The following NKAIN2 variants were observed in gnomAD, a reference collection of about 807,000 sequenced individuals.
The protein encoded by NKAIN2 is sodium/potassium-transporting ATPase subunit beta-1-interacting protein 2.
Under a neutral mutation model 32.6 loss-of-function variants are expected in NKAIN2, and 14 were observed. That is an observed-to-expected ratio of 0.43 (90% CI 0.28 to 0.67). The LOEUF (loss-of-function observed/expected upper bound fraction) is 0.67, where lower values mean the gene tolerates loss of function less well. Among genes scored for constraint, NKAIN2 ranks in the 30% least tolerant of loss-of-function variants. The pLI is 0.17. For synonymous variants in NKAIN2, 80 were observed against 87.2 expected (o/e 0.92, Z 0.46); for missense variants, 198 against 258.3 (o/e 0.77, Z 1.60).
intron 3 of NKAIN2, among the ~76,000 whole-genome samples, chr6:124,580,655 C>G (rs770853502): frequency 1.3e-5 from 2 of 152,048 alleles, no homozygotes; most frequent in African/African-American, 2.4e-5. Context: ...AAGTCCTTAC[C>G]TCTTATCAAT....
chr6:123,927,093 G>A (rs758454515), intron 1 of NKAIN2, among the ~76,000 whole-genome samples: 3 of 152,148 alleles, frequency 2.0e-5, no homozygotes, highest in African/African-American at 2.4e-5. Context: ...ATATTTTCCC[G>A]CATTTGCTTC....
At chr6:124,408,714 T>G (rs1267963851) in intron 3 of NKAIN2, among the ~76,000 whole-genome samples, 1 of 107,936 alleles carries the variant, frequency 9.3e-6, no homozygotes, top group African/African-American at 2.8e-5. Context: ...TTTAAAGTAG[T>G]TTTTTCCAAT....
intron 4 of NKAIN2, among the ~76,000 whole-genome samples, chr6:124,774,941 A>G (rs2114768892): frequency 6.6e-6 from 1 of 151,940 alleles, no homozygotes; most frequent in Non-Finnish European, 1.5e-5. Context: ...AGATACAAGC[A>G]CCAAGGATAC....
intron 3 of NKAIN2, among the ~76,000 whole-genome samples, chr6:124,642,251 T>G (rs1784020674): frequency 6.6e-6 from 1 of 152,220 alleles, no homozygotes; most frequent in Non-Finnish European, 1.5e-5. Flanking sequence ...TTTGGTTATC[T>G]TCTCAAAACC....
chr6:124,175,488 TGTGA>T (rs1445904954), intron 1 of NKAIN2, among the ~76,000 whole-genome samples: 1 of 152,196 alleles, frequency 6.6e-6, no homozygotes, highest in Non-Finnish European at 1.5e-5. Context: ...AAATATATGA[TGTGA>T]GTTTCACATA....
intron 3 of NKAIN2, among the ~76,000 whole-genome samples, chr6:124,526,438 A>T (rs1453592852): frequency 3.9e-5 from 6 of 152,272 alleles, no homozygotes; most frequent in Admixed American, 6.5e-5. Context: ...TTTCTGCCAA[A>T]TGAAAATGGT....
At chr6:123,845,999 C>T (rs1313663826) in intron 1 of NKAIN2, among the ~76,000 whole-genome samples, 3 of 152,142 alleles carry the variant, frequency 2.0e-5, no homozygotes, top group Admixed American at 2.0e-4. Flanking sequence ...TCATCCCAAT[C>T]TCTCTTTTCT....
chr6:124,014,345 C>A lies in NKAIN2; in HGVS notation c.54+210091C>A, dbSNP rs560448073. Among the ~76,000 whole-genome samples, 17 of 152,170 alleles carry A rather than the reference C, an allele frequency of 1.1e-4. No individual in the cohort carries two copies. The South Asian group carries it at 3.1e-3, about 28-fold the overall frequency. ...CAAAAATAACAGTATCTTGACTATA[C>A]AATATTGTAACTGGCCATTAGTCTT... On this transcript the variant is annotated intron_variant, in intron 1 of 6. Coordinates refer to ENST00000368417, the MANE Select transcript of NKAIN2 (RefSeq NM_001040214.3).
At chr6:124,154,168 A>G (rs1787868380) in intron 1 of NKAIN2, among the ~76,000 whole-genome samples, 1 of 151,878 alleles carries the variant, frequency 6.6e-6, no homozygotes, top group Non-Finnish European at 1.5e-5. Flanking sequence ...TGAGGACTAA[A>G]TACCTCTTGA....
chr6:124,188,471 TG>T (rs1789856447), intron 1 of NKAIN2, among the ~76,000 whole-genome samples: 1 of 152,234 alleles, frequency 6.6e-6, no homozygotes, highest in African/African-American at 2.4e-5. Flanking sequence ...TAACTGCTTA[TG>T]GACTTTAATC....
intron 1 of NKAIN2, among the ~76,000 whole-genome samples, chr6:123,877,948 C>T (rs756249391): frequency 5.3e-5 from 8 of 151,944 alleles, no homozygotes; most frequent in East Asian, 1.9e-4. Flanking sequence ...TAATTATCGC[C>T]GGGTGTGGTG....
intron 1 of NKAIN2, among the ~76,000 whole-genome samples, chr6:123,918,137 A>G (rs1465888313): frequency 6.6e-6 from 1 of 152,018 alleles, no homozygotes; most frequent in African/African-American, 2.4e-5. Context: ...TCCCTACTCC[A>G]CTCCAGAGAC....
At chr6:124,409,254 G>A (rs1399614559) in intron 3 of NKAIN2, among the ~76,000 whole-genome samples, 1 of 152,128 alleles carries the variant, frequency 6.6e-6, no homozygotes, top group African/African-American at 2.4e-5. Flanking sequence ...GCGAGAGAGG[G>A]CATCCCTGTC....
intron 2 of NKAIN2, among the ~76,000 whole-genome samples, chr6:124,331,948 TA>T (rs1797678200): frequency 6.6e-6 from 1 of 152,202 alleles, no homozygotes. Flanking sequence ...AGATAGTTTT[TA>T]AACTTTTCAG....
intron 1 of NKAIN2, among the ~76,000 whole-genome samples, chr6:124,040,228 T>G (rs1029796798): frequency 1.3e-5 from 2 of 151,952 alleles, no homozygotes; most frequent in African/African-American, 2.4e-5. Flanking sequence ...TAATATTTTA[T>G]TTAGGAATTT....
At chr6:124,687,284 AATAT>A (rs1288981242) in intron 4 of NKAIN2, among the ~76,000 whole-genome samples, 6 of 142,518 alleles carry the variant, frequency 4.2e-5, no homozygotes, top group East Asian at 4.1e-4. Context: ...ATAGAGAGAG[AATAT>A]ATATATTCTA....
intron 2 of NKAIN2, among the ~76,000 whole-genome samples, chr6:124,336,296 C>CA (rs1040505766): frequency 2.0e-4 from 31 of 152,160 alleles, no homozygotes; most frequent in African/African-American, 7.5e-4. Context: ...ATAATCATCC[C>CA]AAACTTTTTT....
intron 1 of NKAIN2, among the ~76,000 whole-genome samples, chr6:124,270,761 T>G (rs958216232): frequency 6.6e-6 from 1 of 152,198 alleles, no homozygotes. Context: ...GTATTGGTAA[T>G]GTTAGCCACT....
At position 124,047,444 on chromosome 6, in the gene NKAIN2, C is replaced by CTATA. The variant is rs1416005236; in HGVS notation, c.55-235560_55-235559insATAT. 1.0e-4 allele frequency among the ~76,000 whole-genome samples: 15 copies of CTATA among 149,620 alleles called. No homozygotes were observed. In the South Asian group the frequency reaches 3.2e-3, roughly 32 times the overall value. ...TGAGGGAAATTTACTTTCTCTCTCT[C>CTATA]TCTCTATATATATATAGTTAAATAG... On this transcript the variant is annotated intron_variant, in intron 1 of 6. Transcript: ENST00000368417.
Sources: allele counts gnomAD v4.1 joint callset (sites outside exome capture counted in the v4.1 genomes callset), GRCh38; gene constraint gnomAD v4.1.1; transcripts MANE v1.5; gene names NCBI Gene and HGNC (gene_info 2026-07-23, HGNC 2026-07-21).